The following SMYD3 variants were observed in gnomAD, a reference collection of about 807,000 sequenced individuals.
SMYD3 encodes the protein histone-lysine N-methyltransferase SMYD3.
Under a neutral mutation model 57.7 loss-of-function variants are expected in SMYD3, and 36 were observed. The ratio of observed to expected loss-of-function variants is 0.62; its 90% CI spans 0.48 to 0.82. The LOEUF is 0.82. Among genes scored for constraint, SMYD3 ranks in the 40% least tolerant of loss-of-function variants. SMYD3 has a pLI of 0.00. For synonymous variants in SMYD3, 211 were observed against 195.0 expected (o/e 1.08, Z -0.68); for missense variants, 515 against 538.8 (o/e 0.96, Z 0.44).
chr1:245,969,598 G>A (rs1279088023), intron 5 of SMYD3, among the ~76,000 whole-genome samples: 1 of 152,170 alleles, frequency 6.6e-6, no homozygotes, highest in Non-Finnish European at 1.5e-5. Flanking sequence ...GTGGTTTGAG[G>A]AAATCCAAAC....
intron 10 of SMYD3, among the ~76,000 whole-genome samples, chr1:245,843,981 G>A (rs1020606823): frequency 1.3e-5 from 2 of 152,190 alleles, no homozygotes; most frequent in African/African-American, 4.8e-5. Flanking sequence ...CAACGATGGA[G>A]TGTTGGATGC....
In SMYD3 at chr1:246,355,543, G is replaced by A. The variant is rs1008815212; in HGVS notation, c.165-449C>T. ...CTCAGCAGGGAGGCTGGCGGTCTGG[G>A]GCAAGTTCTCAGCCACAGTCACCAG... On this transcript the variant is annotated intron_variant, in intron 1 of 11. Coordinates refer to ENST00000490107, the MANE Select transcript of SMYD3 (RefSeq NM_001167740.2). This position sits in a 1 kb window ranked among gnomAD's most constrained non-coding sequence, Gnocchi z 5.0. 3.9e-5 allele frequency among the ~76,000 whole-genome samples: 6 copies of A among 152,108 alleles called. No individual in the cohort carries two copies. Among genetic ancestry groups the A allele is most frequent in the African/African-American group, 1.2e-4 (5 of 41,422 alleles).
intron 5 of SMYD3, among the ~76,000 whole-genome samples, chr1:246,248,124 T>G (rs1248658227): frequency 2.6e-5 from 4 of 152,208 alleles, no homozygotes; most frequent in Non-Finnish European, 4.4e-5. Context: ...GTTCGGATAC[T>G]GAGCCACTGA....
At chr1:246,045,682 G>A (rs2059951072) in intron 5 of SMYD3, among the ~76,000 whole-genome samples, 1 of 152,122 alleles carries the variant, frequency 6.6e-6, no homozygotes, top group African/African-American at 2.4e-5. Flanking sequence ...ACCACCATCA[G>A]AATGAACAGG....
chr1:246,239,611 T>C (rs1252155652), intron 5 of SMYD3, among the ~76,000 whole-genome samples: 1 of 152,214 alleles, frequency 6.6e-6, no homozygotes, highest in Non-Finnish European at 1.5e-5. Context: ...TACCCAGTAA[T>C]GGGATGGCTG....
chr1:246,039,181 T>C (rs1246564871), intron 5 of SMYD3, among the ~76,000 whole-genome samples: 3 of 152,318 alleles, frequency 2.0e-5, no homozygotes, highest in East Asian at 1.9e-4. Context: ...CAATGTGTAA[T>C]AACAATTTAA....
chr1:245,858,753 C>T, intron 9 of SMYD3, 83 bp from the exon 10 acceptor site: 1 of 1,436,830 alleles, frequency 7.0e-7, no homozygotes, highest in Admixed American at 2.1e-5. Flanking sequence ...GGCTAAAGAG[C>T]TCCCAAGCAC....
intron 5 of SMYD3, among the ~76,000 whole-genome samples, chr1:246,208,606 C>T (rs1309322523): frequency 6.6e-6 from 1 of 152,138 alleles, no homozygotes; most frequent in Non-Finnish European, 1.5e-5. Flanking sequence ...ACGGAAGCTA[C>T]ATGTTTGTAC....
chr1:246,371,321 G>A (rs2066188672), intron 1 of SMYD3, among the ~76,000 whole-genome samples: 1 of 152,138 alleles, frequency 6.6e-6, no homozygotes, highest in East Asian at 1.9e-4. Context: ...TGAGTAGACT[G>A]GAGAAAGCTG....
intron 5 of SMYD3, among the ~76,000 whole-genome samples, chr1:246,170,342 G>A (rs1352834743): frequency 6.7e-6 from 1 of 150,138 alleles, no homozygotes; most frequent in African/African-American, 2.5e-5. Context: ...TACTAAATAT[G>A]CCTCATGGTT....
At chr1:245,839,696 T>C (rs1194530148) in intron 10 of SMYD3, among the ~76,000 whole-genome samples, 5 of 152,060 alleles carry the variant, frequency 3.3e-5, no homozygotes, top group Non-Finnish European at 7.3e-5. Flanking sequence ...ATGTGGTATA[T>C]GAATGATAGC....
intron 5 of SMYD3, among the ~76,000 whole-genome samples, chr1:246,146,278 T>G (rs1019160572): frequency 6.6e-6 from 1 of 152,202 alleles, no homozygotes; most frequent in Non-Finnish European, 1.5e-5. Context: ...TATGACCTTT[T>G]CTTAAAACTA....
chr1:246,390,122 G>A (rs1351737121), intron 1 of SMYD3, among the ~76,000 whole-genome samples: 1 of 145,738 alleles, frequency 6.9e-6, no homozygotes, highest in African/African-American at 2.5e-5. Context: ...CAAGTGGTAG[G>A]AGGATCCCTT....
intron 5 of SMYD3, among the ~76,000 whole-genome samples, chr1:246,243,132 C>T (rs984726225): frequency 1.1e-4 from 17 of 152,102 alleles, no homozygotes; most frequent in African/African-American, 4.1e-4. Flanking sequence ...CTCTGCACCC[C>T]AAATCAACAG....
intron 8 of SMYD3, among the ~76,000 whole-genome samples, chr1:245,894,498 T>C (rs575044806): frequency 7.4e-4 from 112 of 152,232 alleles, no homozygotes; most frequent in African/African-American, 2.4e-3. Context: ...TTTGGGTCCG[T>C]GCCATCTTTA....
chr1:246,404,585 G>C (rs1298944085), intron 1 of SMYD3, among the ~76,000 whole-genome samples: 1 of 152,172 alleles, frequency 6.6e-6, no homozygotes, highest in Non-Finnish European at 1.5e-5. Flanking sequence ...AAGTTAAAGA[G>C]ACAGAACTAA....
intron 5 of SMYD3, chr1:245,953,375 A>G (rs923656285): frequency 1.0e-6 from 1 of 975,314 alleles, no homozygotes; most frequent in African/African-American, 1.8e-5. Context: ...ATAAAAAGTG[A>G]GAAAAAGCAA....
chr1:246,222,573 ATAGAG>A (rs1192185713), intron 5 of SMYD3, among the ~76,000 whole-genome samples: 1 of 152,196 alleles, frequency 6.6e-6, no homozygotes, highest in Non-Finnish European at 1.5e-5. Flanking sequence ...AGCTCCTGTC[ATAGAG>A]TAGATTCTTC....
intron 1 of SMYD3, among the ~76,000 whole-genome samples, chr1:246,422,430 A>C (rs373777305): frequency 6.7e-6 from 1 of 149,324 alleles, no homozygotes; most frequent in Non-Finnish European, 1.5e-5. Flanking sequence ...CTTTTTTTTT[A>C]ATTTATTTTT....
Sources: allele counts gnomAD v4.1 joint callset (sites outside exome capture counted in the v4.1 genomes callset), GRCh38; gene constraint gnomAD v4.1.1; non-coding constraint Gnocchi (gnomAD v3.1); transcripts MANE v1.5; gene names NCBI Gene and HGNC (gene_info 2026-07-23, HGNC 2026-07-21).